Variants in CNTNAP5 observed in about 807,000 individuals in gnomAD.
CNTNAP5 encodes the protein contactin associated protein family member 5.
CNTNAP5 carries 72 observed loss-of-function variants against 150.2 expected under a neutral mutation model. The observed-to-expected ratio is 0.48, with a 90% CI of 0.40 to 0.58. The LOEUF (loss-of-function observed/expected upper bound fraction) is 0.58, where lower values mean the gene tolerates loss of function less well. Ranked by LOEUF, CNTNAP5 falls within the 20% of genes least tolerant of loss-of-function variation. The probability of loss-of-function intolerance (pLI) is 0.00; values close to 1 mark genes in which losing one functional copy is unlikely to be tolerated. For synonymous variants in CNTNAP5, 672 were observed against 619.8 expected, an observed-to-expected ratio of 1.08 and a Z score of -1.25; for missense variants, 1,636 against 1,626.2, an observed-to-expected ratio of 1.01 and a Z score of -0.10.
rs577308237 is a variant in CNTNAP5 at position 124,656,104 on chromosome 2, T to G, written c.2077+8146T>G. Among the ~76,000 whole-genome samples the G allele has an allele frequency of 1.6e-3, 241 of 151,486 alleles. 3 individuals carry two copies. The highest frequency in any genetic ancestry group is 0.01 in the Middle Eastern group (3 of 290). ...AAAAGTCACTGCCACTAGCCCACATTCCAGGGGAGGGAAATCTGCTTCTAT... is the reference window on the plus strand; with the variant it reads ...AAAAGTCACTGCCACTAGCCCACATGCCAGGGGAGGGAAATCTGCTTCTAT... On this transcript the variant is annotated intron_variant, in intron 13 of 23. Coordinates refer to ENST00000682447, the MANE Select transcript of CNTNAP5 (RefSeq NM_001367498.1).
chr2:124,805,849 G>A (rs918151804), intron 19 of CNTNAP5, among the ~76,000 whole-genome samples: 1 of 152,190 alleles, frequency 6.6e-6, no homozygotes, highest in Non-Finnish European at 1.5e-5. Context: ...CGTGAATGAG[G>A]AGAAAGGGAG....
intron 3 of CNTNAP5, among the ~76,000 whole-genome samples, chr2:124,406,202 G>A (rs896332237): frequency 2.0e-5 from 3 of 152,232 alleles, no homozygotes; most frequent in East Asian, 3.9e-4. Context: ...CAAACTGTAC[G>A]GTTTTAACTA....
chr2:124,515,925 G>A (rs1694704370), intron 8 of CNTNAP5, among the ~76,000 whole-genome samples: 1 of 152,158 alleles, frequency 6.6e-6, no homozygotes, highest in African/African-American at 2.4e-5. Flanking sequence ...CCAGTGGAGG[G>A]GTATTTGCTG....
chr2:124,463,349 C>T (rs1693297689), intron 6 of CNTNAP5, among the ~76,000 whole-genome samples: 1 of 152,114 alleles, frequency 6.6e-6, no homozygotes. Context: ...GAAAAAATAC[C>T]TATTTAGAGA....
At chr2:124,423,703 C>T (rs2059530) in intron 4 of CNTNAP5, among the ~76,000 whole-genome samples, 52,999 of 118,384 alleles carry the variant, frequency 0.45, 12,488 homozygotes, top group Admixed American at 0.55. Context: ...CTCGCTCTGT[C>T]GCCCAGGCTG....
In CNTNAP5 at chr2:124,207,734, A is replaced by G. The variant is rs527336865; in HGVS notation, c.83-13971A>G. Among the ~76,000 whole-genome samples, 151 of 152,252 alleles carry G rather than the reference A, an allele frequency of 9.9e-4. 1 individual carries two copies. The highest frequency in any genetic ancestry group is 3.5e-3 in the African/African-American group (146 of 41,550). On this transcript the variant is annotated intron_variant, in intron 1 of 23. Coordinates refer to ENST00000682447, the MANE Select transcript of CNTNAP5 (RefSeq NM_001367498.1). ...CTAAAGGTTTTCTTCAAAATGGGAGATATTTAGTGAACACAATACAATGTA... is the reference window on the plus strand; with the variant it reads ...CTAAAGGTTTTCTTCAAAATGGGAGGTATTTAGTGAACACAATACAATGTA...
At chr2:124,122,989 C>T (rs182862349) in intron 1 of CNTNAP5, among the ~76,000 whole-genome samples, 6 of 152,128 alleles carry the variant, frequency 3.9e-5, no homozygotes, top group Admixed American at 2.0e-4. Flanking sequence ...GTCTACAGCT[C>T]CCAGCGTGAG....
chr2:124,373,804 T>A (rs566566834), intron 3 of CNTNAP5, among the ~76,000 whole-genome samples: 1 of 150,382 alleles, frequency 6.6e-6, no homozygotes, highest in East Asian at 1.9e-4. Context: ...CTTAAAAGGA[T>A]ACAATATTTG....
At chr2:124,242,074 G>A in intron 2 of CNTNAP5, 126 bp from the exon 3 acceptor site, 1 of 699,132 alleles carries the variant, frequency 1.4e-6, no homozygotes, top group Non-Finnish European at 2.4e-6. Context: ...GCAGGGAAGA[G>A]TAGGGCCCAT....
chr2:124,754,064 C>G (rs1270567181), intron 14 of CNTNAP5, among the ~76,000 whole-genome samples: 1 of 152,080 alleles, frequency 6.6e-6, no homozygotes, highest in African/African-American at 2.4e-5. Flanking sequence ...TCGAATTTTG[C>G]TGTTTCCTCA....
chr2:124,189,914 C>T (rs1685422025), intron 1 of CNTNAP5, among the ~76,000 whole-genome samples: 1 of 152,154 alleles, frequency 6.6e-6, no homozygotes, highest in African/African-American at 2.4e-5. Flanking sequence ...AGAGCAGGTG[C>T]CTTCATATGC....
At chr2:124,065,923 A>T (rs1221290319) in intron 1 of CNTNAP5, among the ~76,000 whole-genome samples, 1 of 152,204 alleles carries the variant, frequency 6.6e-6, no homozygotes, top group Non-Finnish European at 1.5e-5. Flanking sequence ...AAGCTAAAAA[A>T]GGACGATGTA....
At chr2:124,600,133 T>C (rs1371531976) in intron 11 of CNTNAP5, among the ~76,000 whole-genome samples, 2 of 152,214 alleles carry the variant, frequency 1.3e-5, no homozygotes, top group African/African-American at 2.4e-5. Context: ...AGTTGGTGAA[T>C]TGCACATGTG....
chr2:124,264,889 A>T (rs1299371025), intron 3 of CNTNAP5, among the ~76,000 whole-genome samples: 1 of 152,174 alleles, frequency 6.6e-6, no homozygotes, highest in Admixed American at 6.5e-5. Context: ...CGTGTATCTG[A>T]GTCTGTGTCT....
chr2:124,487,630 G>A (rs1475129986), intron 7 of CNTNAP5, among the ~76,000 whole-genome samples: 2 of 151,898 alleles, frequency 1.3e-5, no homozygotes, highest in Non-Finnish European at 1.5e-5. Context: ...CCATACACAC[G>A]GAATGAGCTT....
rs117533852 is a variant in CNTNAP5, at chr2:124,225,447, C to T, written c.187+3638C>T. 3.3e-3 allele frequency among the ~76,000 whole-genome samples: 509 copies of T among 152,240 alleles called. 6 individuals are homozygous for T. The highest frequency in any genetic ancestry group is 0.031 in the East Asian group (161 of 5,166). On this transcript the variant is annotated intron_variant, in intron 2 of 23. Coordinates refer to ENST00000682447, the MANE Select transcript of CNTNAP5 (RefSeq NM_001367498.1). ...GTTTTAGACAGGGAAAGCTGTGTGTCATTTTTATTAGTTCACTTACTTCCC... is the reference window on the plus strand; with the variant it reads ...GTTTTAGACAGGGAAAGCTGTGTGTTATTTTTATTAGTTCACTTACTTCCC...
chr2:124,108,822 A>C (rs1247176008), intron 1 of CNTNAP5, among the ~76,000 whole-genome samples: 1 of 152,196 alleles, frequency 6.6e-6, no homozygotes, highest in African/African-American at 2.4e-5. Flanking sequence ...GAAACCAGAA[A>C]GTGATCAATT....
intron 12 of CNTNAP5, among the ~76,000 whole-genome samples, chr2:124,638,613 G>A (rs1464494404): frequency 1.3e-5 from 2 of 152,084 alleles, no homozygotes; most frequent in Non-Finnish European, 2.9e-5. Flanking sequence ...GTCAAATACA[G>A]ACAAATATGC....
At chr2:124,201,480 A>G (rs1488769967) in intron 1 of CNTNAP5, among the ~76,000 whole-genome samples, 2 of 152,226 alleles carry the variant, frequency 1.3e-5, no homozygotes, top group Non-Finnish European at 2.9e-5. Context: ...TAATTCTGTC[A>G]TCTTATGTCA....
Sources: allele counts gnomAD v4.1 joint callset (sites outside exome capture counted in the v4.1 genomes callset), GRCh38; gene constraint gnomAD v4.1.1; transcripts MANE v1.5; gene names NCBI Gene and HGNC (gene_info 2026-07-23, HGNC 2026-07-21).